Variants in SESTD1 observed in about 807,000 individuals in gnomAD.
SESTD1 encodes SEC14 and spectrin domain containing 1, also known as SEC14 domain and spectrin repeat-containing protein 1.
In SESTD1, 43 loss-of-function variants were observed where a neutral mutation model predicts 101.7. The ratio of observed to expected loss-of-function variants is 0.42; its 90% CI spans 0.33 to 0.55. The LOEUF (loss-of-function observed/expected upper bound fraction) is 0.55, where lower values mean the gene tolerates loss of function less well. SESTD1 is among the 20% of genes least tolerant of loss of function. SESTD1 has a pLI of 0.07. For synonymous variants in SESTD1, 283 were observed against 286.8 expected, an observed-to-expected ratio of 0.99 and a Z score of 0.13; for missense variants, 647 against 815.1, an observed-to-expected ratio of 0.79 and a Z score of 2.51.
At chr2:179,181,645 T>TCAC (rs2046112911) in intron 3 of SESTD1, among the ~76,000 whole-genome samples, 1 of 152,164 alleles carries the variant, frequency 6.6e-6, no homozygotes, top group Admixed American at 6.6e-5. Context: ...GTGTGAGATC[T>TCAC]TGGGCAAGTA....
intron 1 of SESTD1, among the ~76,000 whole-genome samples, chr2:179,252,130 A>G (rs923357498): frequency 1.3e-5 from 2 of 152,268 alleles, no homozygotes; most frequent in African/African-American, 4.8e-5. Flanking sequence ...AAAGCAGTTT[A>G]GCTCAAATGA....
At chr2:179,253,780 T>C (rs914391670) in intron 1 of SESTD1, among the ~76,000 whole-genome samples, 5 of 152,104 alleles carry the variant, frequency 3.3e-5, no homozygotes, top group Admixed American at 2.0e-4. Flanking sequence ...AAAGGAAGAA[T>C]TTGTAATGTG....
At position 179,213,370 on chromosome 2, in the gene SESTD1, G is replaced by A. The variant is rs988039019; in HGVS notation, c.-25-21504C>T. 3.7e-5 allele frequency among the ~76,000 whole-genome samples: 5 copies of A among 134,702 alleles called. 2 individuals are homozygous for A. Among genetic ancestry groups the A allele is most frequent in the African/African-American group, 5.9e-5 (2 of 34,004 alleles). The allele number at this position is 134,702 out of a possible 152,430, so 88.4% of individuals were successfully genotyped here. A position where few individuals can be genotyped will look rare whatever the true frequency, so the allele number is the denominator to read the frequency against. On this transcript the variant is annotated intron_variant, in intron 1 of 17. Transcript: ENST00000428443. ...GACGCAGGCACAAGCTTCAATAGCCGATTCGATCAAGTGGAAGAAAGGATA... is the reference window on the plus strand; with the variant it reads ...GACGCAGGCACAAGCTTCAATAGCCAATTCGATCAAGTGGAAGAAAGGATA...
At chr2:179,119,821 G>A (rs150155393) in intron 13 of SESTD1, among the ~76,000 whole-genome samples, 156 of 152,230 alleles carry the variant, frequency 1.0e-3, no homozygotes, top group African/African-American at 3.7e-3. Flanking sequence ...CAAGTAAGAT[G>A]TGTCTGTTTC....
At position 179,196,385 on chromosome 2, in the gene SESTD1, C is replaced by T. The variant is rs952868821; in HGVS notation, c.-25-4519G>A. On this transcript the variant is annotated intron_variant, in intron 1 of 17. Coordinates refer to ENST00000428443, the MANE Select transcript of SESTD1 (RefSeq NM_178123.5). ...GGTGGCAGTGAGGCTGGGAGAGGGGCGCCAGCCATTGCCCAGGCTTGCTTA... is the reference window on the plus strand; with the variant it reads ...GGTGGCAGTGAGGCTGGGAGAGGGGTGCCAGCCATTGCCCAGGCTTGCTTA... Among the ~76,000 whole-genome samples the T allele has an allele frequency of 6.6e-5, 10 of 152,322 alleles. No individual in the cohort carries two copies. In the East Asian group the frequency reaches 7.7e-4, roughly 12 times the overall value.
chr2:179,175,800 A>C (rs535957394), intron 4 of SESTD1, among the ~76,000 whole-genome samples: 3 of 152,356 alleles, frequency 2.0e-5, no homozygotes, highest in African/African-American at 7.2e-5. Flanking sequence ...CCAGGGGATC[A>C]CATAAACATT....
At chr2:179,225,229 C>T (rs551071829) in intron 1 of SESTD1, among the ~76,000 whole-genome samples, 6 of 152,114 alleles carry the variant, frequency 3.9e-5, no homozygotes, top group Admixed American at 1.3e-4. Context: ...AGAAGTGAAG[C>T]GTTCTATGTT....
intron 7 of SESTD1, 148 bp from the exon 8 acceptor site, chr2:179,146,605 C>A (rs2045401104): frequency 3.3e-6 from 2 of 606,854 alleles, no homozygotes; most frequent in Admixed American, 3.5e-5. Flanking sequence ...TTCTCTCAAG[C>A]ATAAGGAAGC....
chr2:179,169,790 C>G (rs977178526), intron 5 of SESTD1, among the ~76,000 whole-genome samples: 1 of 151,934 alleles, frequency 6.6e-6, no homozygotes, highest in Non-Finnish European at 1.5e-5. Flanking sequence ...GCATGACTAA[C>G]GTAGAGAAAC....
In SESTD1 at chr2:179,153,530, G is replaced by A. The variant is rs114720627; in HGVS notation, c.370-2139C>T. On this transcript the variant is annotated intron_variant, in intron 5 of 17. Transcript: ENST00000428443. ...CTCTCTCACACACACTTATATGTAT[G>A]TGTATTTTCTAGTTGTGTCCAATGG... Among the ~76,000 whole-genome samples the A allele has an allele frequency of 3.6e-3, 555 of 152,254 alleles. 6 individuals carry two copies. The highest frequency in any genetic ancestry group is 0.013 in the African/African-American group (523 of 41,552).
In SESTD1 at chr2:179,121,758, G is replaced by T; in HGVS notation, c.1442+12C>A. On this transcript the variant is annotated intron_variant, in intron 13 of 17. Transcript: ENST00000428443. ...TTATTTTAGTAAAAAGTAATTAACG[G>T]TCAAACTTTGCCTTTGTTTTCTAAG... 1.3e-6 allele frequency: 2 copies of T among 1,549,700 alleles called. No homozygotes were observed. Among genetic ancestry groups the T allele is most frequent in the South Asian group, 1.2e-5 (1 of 80,056 alleles).
intron 1 of SESTD1, among the ~76,000 whole-genome samples, chr2:179,236,486 G>C (rs886122094): frequency 3.9e-5 from 6 of 151,994 alleles, no homozygotes; most frequent in African/African-American, 1.4e-4. Context: ...AACACAGAGA[G>C]ATCCTGTATC....
At position 179,121,808 on chromosome 2, in the gene SESTD1, T is replaced by A; in HGVS notation, c.1404A>T (p.Ile468=). The A allele has an allele frequency of 6.2e-7, 1 of 1,607,538 alleles. No homozygotes were observed. Among genetic ancestry groups the A allele is most frequent in the Non-Finnish European group, 8.5e-7 (1 of 1,177,266 alleles). ...GCTGCATATCTTCCATCACTCCTTG[T>A]ATGTGGTCCACATTTTCTTTATTTT... ...TIENKENVDH[I]QGVMEDMQLR... The change falls in exon 13 of 18, where the codon ATA becomes ATT. Residue 468 remains isoleucine (I), a synonymous_variant. Transcript: ENST00000428443.
intron 1 of SESTD1, among the ~76,000 whole-genome samples, chr2:179,197,877 G>A (rs912762014): frequency 5.3e-5 from 8 of 151,928 alleles, no homozygotes; most frequent in Middle Eastern, 3.4e-3. Flanking sequence ...AAAGACCATC[G>A]AGACTAGGAA....
rs751947078 is a variant in SESTD1 at position 179,183,066 on chromosome 2, A to G, written c.164+14T>C. The G allele has an allele frequency of 2.6e-6, 4 of 1,518,056 alleles. No homozygotes were observed. Among genetic ancestry groups the G allele is most frequent in the South Asian group, 2.5e-5 (2 of 78,820 alleles). The allele number at this position is 1,518,056 out of a possible 1,614,324, so 94.0% of individuals were successfully genotyped here. On this transcript the variant is annotated intron_variant, in intron 3 of 17. Transcript: ENST00000428443. The stretch of plus-strand genomic sequence containing the variant: ...AACATACTGAGATTTAAGAAAAGAC[A>G]CCTTTAGAGTCACCTTGGAATGCTG...
intron 1 of SESTD1, among the ~76,000 whole-genome samples, chr2:179,193,868 A>T (rs1404373621): frequency 6.6e-6 from 1 of 152,124 alleles, no homozygotes; most frequent in Non-Finnish European, 1.5e-5. Context: ...CAGATCAGGA[A>T]TCCTCCCGGC....
rs554074767 is a variant in SESTD1 at position 179,118,503 on chromosome 2, G to A, written c.1443-890C>T. On this transcript the variant is annotated intron_variant, in intron 13 of 17. Coordinates refer to ENST00000428443, the MANE Select transcript of SESTD1 (RefSeq NM_178123.5). ...GACACTGTGCTCTACTATACTTGAT[G>A]TCCTTAAAGAAAGCTTAATAACAAT... Among the ~76,000 whole-genome samples the A allele has an allele frequency of 2.6e-5, 4 of 152,100 alleles. No individual in the cohort carries two copies. In the South Asian group the frequency reaches 8.3e-4, roughly 32 times the overall value.
intron 1 of SESTD1, among the ~76,000 whole-genome samples, chr2:179,250,362 C>T (rs1027177416): frequency 2.0e-5 from 3 of 152,172 alleles, no homozygotes; most frequent in East Asian, 3.8e-4. Context: ...AAAATAAAAA[C>T]AGTGAAGAAC....
chr2:179,120,425 C>G (rs531030001), intron 13 of SESTD1, among the ~76,000 whole-genome samples: 1 of 152,184 alleles, frequency 6.6e-6, no homozygotes, highest in Non-Finnish European at 1.5e-5. Flanking sequence ...GAAAGTAATT[C>G]AAGTAGTGAG....
Sources: allele counts gnomAD v4.1 joint callset (sites outside exome capture counted in the v4.1 genomes callset), GRCh38; gene constraint gnomAD v4.1.1; transcripts MANE v1.5; gene names NCBI Gene and HGNC (gene_info 2026-07-23, HGNC 2026-07-21).